The following LRRC4C variants were observed in gnomAD, a reference collection of about 807,000 sequenced individuals.
LRRC4C encodes leucine rich repeat containing 4C.
A neutral mutation model predicts 33.6 loss-of-function variants in LRRC4C; 5 were observed. The observed-to-expected ratio is 0.15, with a 90% CI of 0.08 to 0.31. LRRC4C has a LOEUF of 0.31. Ranked by LOEUF, LRRC4C falls within the 10% of genes least tolerant of loss-of-function variation. The pLI is 1.00. For synonymous variants in LRRC4C, 329 were observed against 302.0 expected (o/e 1.09, Z -0.93); for missense variants, 560 against 796.7 (o/e 0.70, Z 3.58).
intron 2 of LRRC4C, among the ~76,000 whole-genome samples, chr11:40,769,117 A>G (rs984552652): frequency 1.3e-5 from 2 of 152,152 alleles, no homozygotes; most frequent in African/African-American, 4.8e-5. Context: ...TATAACTGAT[A>G]AATAATTCAG....
At chr11:40,405,696 T>C (rs1949938732) in intron 3 of LRRC4C, among the ~76,000 whole-genome samples, 1 of 134,176 alleles carries the variant, frequency 7.5e-6, no homozygotes, top group African/African-American at 2.7e-5. Flanking sequence ...CAACACACAA[T>C]TTCTTTTTGA....
At chr11:41,281,078 C>CTCTCTT (rs1491428513) in intron 1 of LRRC4C, among the ~76,000 whole-genome samples, 1 of 83,120 alleles carries the variant, frequency 1.2e-5, no homozygotes, top group Non-Finnish European at 2.2e-5. Context: ...CTCTCTCTGT[C>CTCTCTT]CTCTCTCTCT....
At chr11:41,304,682 C>A (rs1434722895) in intron 1 of LRRC4C, among the ~76,000 whole-genome samples, 8 of 97,522 alleles carry the variant, frequency 8.2e-5, no homozygotes, top group Non-Finnish European at 1.2e-4. Flanking sequence ...GGGGGGTCAG[C>A]CCCCCGCCCG....
intron 5 of LRRC4C, among the ~76,000 whole-genome samples, chr11:40,196,379 T>C (rs1188145787): frequency 2.0e-5 from 3 of 152,162 alleles, no homozygotes. Context: ...CCAGAACCAT[T>C]CTGGACTAGG....
chr11:41,150,681 T>C (rs897000364), intron 1 of LRRC4C, among the ~76,000 whole-genome samples: 6 of 151,636 alleles, frequency 4.0e-5, no homozygotes, highest in African/African-American at 1.5e-4. Flanking sequence ...CCCAGCTACT[T>C]GGGAGGCTGA....
At chr11:40,955,146 C>T (rs563192688) in intron 1 of LRRC4C, among the ~76,000 whole-genome samples, 76 of 151,842 alleles carry the variant, frequency 5.0e-4, no homozygotes, top group Non-Finnish European at 8.6e-4. Flanking sequence ...ATATATGCTA[C>T]GTCTATATTA....
At chr11:41,412,797 T>C (rs1954537480) in intron 1 of LRRC4C, among the ~76,000 whole-genome samples, 1 of 152,064 alleles carries the variant, frequency 6.6e-6, no homozygotes, top group Non-Finnish European at 1.5e-5. Context: ...AGAGAGAGAC[T>C]GGAAATGAGA....
At chr11:40,474,703 C>T (rs937751781) in intron 3 of LRRC4C, among the ~76,000 whole-genome samples, 1 of 152,108 alleles carries the variant, frequency 6.6e-6, no homozygotes, top group Non-Finnish European at 1.5e-5. Context: ...GGGCTAATAT[C>T]CAGAATCTAC....
At chr11:40,618,087 A>G (rs1195088604) in intron 3 of LRRC4C, among the ~76,000 whole-genome samples, 1 of 151,710 alleles carries the variant, frequency 6.6e-6, no homozygotes, top group Non-Finnish European at 1.5e-5. Flanking sequence ...TAGGTTGGAT[A>G]GTGTCCTATT....
chr11:40,521,519 C>A (rs181543176), intron 3 of LRRC4C, among the ~76,000 whole-genome samples: 1 of 152,058 alleles, frequency 6.6e-6, no homozygotes, highest in African/African-American at 2.4e-5. Context: ...ACGTGACAAA[C>A]AATGAGAAAT....
In LRRC4C at chr11:40,464,588, G is replaced by A. The variant is rs372810060; in HGVS notation, c.-269-144867C>T. On this transcript the variant is annotated intron_variant, in intron 3 of 6. Coordinates refer to ENST00000528697, the MANE Select transcript of LRRC4C (RefSeq NM_001258419.2). The stretch of plus-strand genomic sequence containing the variant: ...ATACCTGCAAAACTCTAAGGACTCC[G>A]ACAAAAGACTCCTAGATTTCATAAA... 5.9e-5 allele frequency among the ~76,000 whole-genome samples: 9 copies of A among 151,888 alleles called. No individual in the cohort carries two copies. The East Asian group carries it at 7.7e-4, about 13-fold the overall frequency.
intron 2 of LRRC4C, among the ~76,000 whole-genome samples, chr11:40,666,236 ATC>A (rs934922993): frequency 3.2e-4 from 48 of 152,160 alleles, no homozygotes; most frequent in African/African-American, 1.1e-3. Flanking sequence ...TAACAAATGT[ATC>A]TCTACAATTT....
intron 1 of LRRC4C, among the ~76,000 whole-genome samples, chr11:40,980,035 T>C (rs745942887): frequency 6.6e-6 from 1 of 152,168 alleles, no homozygotes; most frequent in Non-Finnish European, 1.5e-5. Flanking sequence ...TCCCATCTGG[T>C]TGAAATGAAA....
At chr11:41,110,176 C>T (rs1281923198) in intron 1 of LRRC4C, among the ~76,000 whole-genome samples, 1 of 152,020 alleles carries the variant, frequency 6.6e-6, no homozygotes, top group Non-Finnish European at 1.5e-5. Flanking sequence ...CTCTAGTACA[C>T]AACTGGGTGA....
chr11:40,903,329 G>A (rs1026388063), intron 2 of LRRC4C, among the ~76,000 whole-genome samples: 7 of 152,130 alleles, frequency 4.6e-5, no homozygotes, highest in African/African-American at 7.2e-5. Context: ...ATTTAAAAAC[G>A]TTACTGCTGA....
intron 1 of LRRC4C, among the ~76,000 whole-genome samples, chr11:41,030,230 A>G (rs1002749729): frequency 6.6e-6 from 1 of 151,916 alleles, no homozygotes; most frequent in Non-Finnish European, 1.5e-5. Flanking sequence ...ACAATGGGAC[A>G]TATTTTCTAT....
At chr11:41,274,301 G>A (rs1949410953) in intron 1 of LRRC4C, among the ~76,000 whole-genome samples, 1 of 152,074 alleles carries the variant, frequency 6.6e-6, no homozygotes, top group Admixed American at 6.6e-5. Flanking sequence ...CCTTTTAGAA[G>A]GACATCTACA....
At chr11:41,438,034 A>T (rs7130577) in intron 1 of LRRC4C, among the ~76,000 whole-genome samples, 1 of 147,834 alleles carries the variant, frequency 6.8e-6, no homozygotes, top group Non-Finnish European at 1.5e-5. Flanking sequence ...ACAAAACTCC[A>T]TCTCAAATAA....
At chr11:40,220,082 G>A (rs573740814) in intron 5 of LRRC4C, among the ~76,000 whole-genome samples, 1 of 152,220 alleles carries the variant, frequency 6.6e-6, no homozygotes, top group Non-Finnish European at 1.5e-5. Flanking sequence ...TCACTTTAGA[G>A]GGAATTTCAA....
Sources: allele counts gnomAD v4.1 joint callset (sites outside exome capture counted in the v4.1 genomes callset), GRCh38; gene constraint gnomAD v4.1.1; transcripts MANE v1.5; gene names NCBI Gene and HGNC (gene_info 2026-07-23, HGNC 2026-07-21).